The following GLCE variants were observed in gnomAD, a reference collection of about 807,000 sequenced individuals.
GLCE encodes D-glucuronyl C5-epimerase.
Under a neutral mutation model 47.9 loss-of-function variants are expected in GLCE, and 19 were observed. The ratio of observed to expected loss-of-function variants is 0.40; its 90% CI spans 0.28 to 0.58. The LOEUF (loss-of-function observed/expected upper bound fraction) is 0.58, where lower values mean the gene tolerates loss of function less well. Ranked by LOEUF, GLCE falls within the 20% of genes least tolerant of loss-of-function variation. The pLI is 0.48. For synonymous variants in GLCE, 245 were observed against 263.4 expected, an observed-to-expected ratio of 0.93 and a Z score of 0.68; for missense variants, 556 against 743.3, an observed-to-expected ratio of 0.75 and a Z score of 2.93.
At chr15:69,163,139 C>T (rs2051451489) in intron 1 of GLCE, among the ~76,000 whole-genome samples, 1 of 152,124 alleles carries the variant, frequency 6.6e-6, no homozygotes, top group Admixed American at 6.5e-5. Flanking sequence ...ATGACAGCCC[C>T]CAAACCTGTA....
intron 2 of GLCE, among the ~76,000 whole-genome samples, chr15:69,242,477 A>G (rs1033207251): frequency 1.3e-5 from 2 of 152,128 alleles, no homozygotes; most frequent in Non-Finnish European, 2.9e-5. Flanking sequence ...GCATCTATAT[A>G]TCTATATACT....
intron 2 of GLCE, among the ~76,000 whole-genome samples, chr15:69,243,620 G>A (rs945951343): frequency 6.0e-5 from 9 of 149,152 alleles, no homozygotes; most frequent in African/African-American, 2.2e-4. Flanking sequence ...AAATAGATTT[G>A]ACCTTTGCTG....
At chr15:69,170,336 T>G (rs2051571372) in intron 1 of GLCE, among the ~76,000 whole-genome samples, 1 of 152,214 alleles carries the variant, frequency 6.6e-6, no homozygotes, top group Non-Finnish European at 1.5e-5. Context: ...ATATTTTATC[T>G]AGAATTATTG....
At chr15:69,237,534 G>T (rs950661389) in intron 2 of GLCE, among the ~76,000 whole-genome samples, 2 of 151,932 alleles carry the variant, frequency 1.3e-5, no homozygotes, top group Non-Finnish European at 2.9e-5. Flanking sequence ...GGAGGCAGAG[G>T]TTGCAGTGAG....
At position 69,269,586 on chromosome 15, in the gene GLCE, A is replaced by G. The variant is rs2053137571; in HGVS notation, c.*342A>G. The G allele has an allele frequency of 1.4e-5, 3 of 214,098 alleles. No homozygotes were observed. The South Asian group carries it at 4.2e-4, about 30-fold the overall frequency. The allele number at this position is 214,098 out of a possible 1,614,324, so 13.3% of individuals were successfully genotyped here. On this transcript the variant is annotated 3_prime_UTR_variant, in exon 5 of 5. Coordinates refer to ENST00000261858, the MANE Select transcript of GLCE (RefSeq NM_015554.3). ...AGTTGCTACTGGCCAACTGTCTAGC[A>G]CTTACCTGAAAACTTAGTATGGAGC...
intron 2 of GLCE, among the ~76,000 whole-genome samples, chr15:69,238,784 A>T (rs1595775032): frequency 6.6e-6 from 1 of 152,316 alleles, no homozygotes; most frequent in African/African-American, 2.4e-5. Flanking sequence ...GACAAAATAC[A>T]TGCCTTCAGT....
chr15:69,263,043 G>A (rs140806634), intron 4 of GLCE, among the ~76,000 whole-genome samples: 38 of 152,096 alleles, frequency 2.5e-4, no homozygotes, highest in Non-Finnish European at 4.3e-4. Context: ...TAATATATGC[G>A]ACCCATCATG....
chr15:69,235,171 G>A (rs376090676), intron 2 of GLCE, among the ~76,000 whole-genome samples: 110 of 121,148 alleles, frequency 9.1e-4, no homozygotes, highest in African/African-American at 1.5e-3. Flanking sequence ...GCAGTGGCAC[G>A]ATCTCAGCTT....
At chr15:69,267,210 C>G (rs1266982397) in intron 4 of GLCE, among the ~76,000 whole-genome samples, 1 of 152,198 alleles carries the variant, frequency 6.6e-6, no homozygotes, top group African/African-American at 2.4e-5. Context: ...TCAAATAAAA[C>G]AGCTTTAACT....
intron 2 of GLCE, among the ~76,000 whole-genome samples, chr15:69,252,606 A>G (rs1054760427): frequency 1.3e-5 from 2 of 152,226 alleles, no homozygotes; most frequent in African/African-American, 4.8e-5. Context: ...AAACTATATC[A>G]GTAGCCTTGT....
intron 4 of GLCE, among the ~76,000 whole-genome samples, chr15:69,268,007 G>A (rs181227320): frequency 6.6e-6 from 1 of 152,166 alleles, no homozygotes; most frequent in East Asian, 1.9e-4. Flanking sequence ...AAGAGCTTTG[G>A]CCTGATGCTC....
intron 2 of GLCE, among the ~76,000 whole-genome samples, chr15:69,228,305 A>G (rs1031480954): frequency 2.6e-5 from 4 of 152,212 alleles, no homozygotes; most frequent in Non-Finnish European, 5.9e-5. Context: ...TCTAAAATGT[A>G]TGTGGAATTA....
intron 2 of GLCE, among the ~76,000 whole-genome samples, chr15:69,218,010 C>T (rs1004477594): frequency 7.3e-5 from 11 of 151,614 alleles, no homozygotes; most frequent in Admixed American, 3.3e-4. Flanking sequence ...AGAAATTAGC[C>T]GGGCGTGGTG....
At chr15:69,230,404 C>A (rs993375601) in intron 2 of GLCE, among the ~76,000 whole-genome samples, 1 of 151,652 alleles carries the variant, frequency 6.6e-6, no homozygotes, top group Non-Finnish European at 1.5e-5. Context: ...CATGTAGGCC[C>A]CTAATAATGG....
At chr15:69,239,007 A>C (rs999631670) in intron 2 of GLCE, among the ~76,000 whole-genome samples, 1 of 152,178 alleles carries the variant, frequency 6.6e-6, no homozygotes, top group African/African-American at 2.4e-5. Flanking sequence ...TAATTTGTAC[A>C]TTGAGAAACT....
chr15:69,245,409 G>GAGCCTT (rs1018879789), intron 2 of GLCE, among the ~76,000 whole-genome samples: 1 of 150,482 alleles, frequency 6.6e-6, no homozygotes, highest in African/African-American at 2.4e-5. Context: ...GAGATTATCT[G>GAGCCTT]AGCCTTTAGC....
intron 3 of GLCE, among the ~76,000 whole-genome samples, chr15:69,260,348 C>A (rs1228731313): frequency 6.7e-6 from 1 of 149,646 alleles, no homozygotes; most frequent in Non-Finnish European, 1.5e-5. Flanking sequence ...CAACCCCTGC[C>A]TCCTGGGTTC....
intron 2 of GLCE, among the ~76,000 whole-genome samples, chr15:69,243,467 A>C (rs2052703331): frequency 6.6e-6 from 1 of 151,306 alleles, no homozygotes; most frequent in Non-Finnish European, 1.5e-5. Flanking sequence ...GGCTCGGCTC[A>C]GTGGCTCACA....
intron 2 of GLCE, among the ~76,000 whole-genome samples, chr15:69,222,750 T>C (rs558088985): frequency 2.6e-5 from 4 of 152,368 alleles, no homozygotes; most frequent in Non-Finnish European, 1.5e-5. Flanking sequence ...GTCAGCCATC[T>C]TGTTTGGGTC....
Sources: allele counts gnomAD v4.1 joint callset (sites outside exome capture counted in the v4.1 genomes callset), GRCh38; gene constraint gnomAD v4.1.1; transcripts MANE v1.5; gene names NCBI Gene and HGNC (gene_info 2026-07-23, HGNC 2026-07-21).